AUTS2: variants seen among roughly 807,000 people sequenced by gnomAD.
AUTS2 encodes autism susceptibility gene 2 protein.
AUTS2 carries 17 observed loss-of-function variants against 112.4 expected under a neutral mutation model. The ratio of observed to expected loss-of-function variants is 0.15; its 90% CI spans 0.10 to 0.23. The LOEUF is 0.23. Among genes scored for constraint, AUTS2 ranks in the 10% least tolerant of loss-of-function variants. The pLI, the probability that AUTS2 is intolerant of heterozygous loss-of-function variation, is 1.00. For synonymous variants in AUTS2, 751 were observed against 702.7 expected (o/e 1.07, Z -1.09); for missense variants, 1,510 against 1,701.6 (o/e 0.89, Z 1.98).
intron 5 of AUTS2, among the ~76,000 whole-genome samples, chr7:70,672,152 T>C (rs1807677630): frequency 6.6e-6 from 1 of 152,196 alleles, no homozygotes. Context: ...AGTGCCACAC[T>C]CCACCAAATG....
intron 1 of AUTS2, among the ~76,000 whole-genome samples, chr7:69,880,071 A>G (rs1359749211): frequency 6.6e-6 from 1 of 152,232 alleles, no homozygotes; most frequent in Non-Finnish European, 1.5e-5. Context: ...TGCAGGCTGT[A>G]CAAGAAGCAT....
At chr7:70,548,511 T>A (rs1423048495) in intron 5 of AUTS2, among the ~76,000 whole-genome samples, 1 of 152,212 alleles carries the variant, frequency 6.6e-6, no homozygotes, top group Non-Finnish European at 1.5e-5. Context: ...TCACAGAGAC[T>A]TTCTTCTAAG....
chr7:69,903,276 T>C (rs1795037100), intron 2 of AUTS2, among the ~76,000 whole-genome samples: 1 of 152,164 alleles, frequency 6.6e-6, no homozygotes, highest in African/African-American at 2.4e-5. Flanking sequence ...ATAAGCCAAA[T>C]TATAACTTCC....
intron 4 of AUTS2, among the ~76,000 whole-genome samples, chr7:70,364,944 A>G (rs1367424637): frequency 6.6e-6 from 1 of 152,230 alleles, no homozygotes; most frequent in African/African-American, 2.4e-5. Flanking sequence ...ATCTCTCAGC[A>G]GTAATACTGC....
chr7:69,955,736 G>A (rs1236515268), intron 2 of AUTS2, among the ~76,000 whole-genome samples: 1 of 152,096 alleles, frequency 6.6e-6, no homozygotes, highest in African/African-American at 2.4e-5. Flanking sequence ...CATGTTCCGT[G>A]GCATGGGCAG....
intron 5 of AUTS2, among the ~76,000 whole-genome samples, chr7:70,661,032 G>A (rs1201457860): frequency 6.6e-6 from 1 of 151,956 alleles, no homozygotes; most frequent in Non-Finnish European, 1.5e-5. Context: ...TTATTCATTT[G>A]TTGACTTTTA....
At chr7:69,672,959 G>A (rs1186975982) in intron 1 of AUTS2, among the ~76,000 whole-genome samples, 3 of 152,178 alleles carry the variant, frequency 2.0e-5, no homozygotes, top group Admixed American at 2.0e-4. Context: ...TTTTGTACTA[G>A]CTTTTGGGTG....
chr7:69,975,093 G>A (rs1798001993), intron 2 of AUTS2, among the ~76,000 whole-genome samples: 1 of 151,934 alleles, frequency 6.6e-6, no homozygotes, highest in Non-Finnish European at 1.5e-5. Flanking sequence ...GCTTACTGAG[G>A]AATGTTTGCA....
At chr7:70,356,540 C>T (rs1174451736) in intron 4 of AUTS2, among the ~76,000 whole-genome samples, 1 of 152,120 alleles carries the variant, frequency 6.6e-6, no homozygotes, top group African/African-American at 2.4e-5. Context: ...GAATTCCTTG[C>T]CAGGTTTCTT....
At chr7:70,634,236 C>T (rs1303756722) in intron 5 of AUTS2, among the ~76,000 whole-genome samples, 1 of 152,144 alleles carries the variant, frequency 6.6e-6, no homozygotes, top group Non-Finnish European at 1.5e-5. Flanking sequence ...AATAGGAGGA[C>T]AGGAGGCATC....
At chr7:70,675,243 A>C (rs1422520551) in intron 5 of AUTS2, among the ~76,000 whole-genome samples, 1 of 152,192 alleles carries the variant, frequency 6.6e-6, no homozygotes, top group Non-Finnish European at 1.5e-5. Flanking sequence ...CTGTAATCCC[A>C]GCACCTTGGG....
At chr7:69,610,281 C>T (rs1792959612) in intron 1 of AUTS2, among the ~76,000 whole-genome samples, 1 of 152,208 alleles carries the variant, frequency 6.6e-6, no homozygotes, top group African/African-American at 2.4e-5. Context: ...AGTTGTTAAA[C>T]CAGGATGTTT....
At chr7:70,780,549 G>C (rs1262184667) in intron 14 of AUTS2, among the ~76,000 whole-genome samples, 1 of 151,912 alleles carries the variant, frequency 6.6e-6, no homozygotes, top group South Asian at 2.1e-4. Flanking sequence ...CTGATCTTTT[G>C]TATTTTAGTA....
intron 2 of AUTS2, among the ~76,000 whole-genome samples, chr7:69,966,543 T>C (rs928941862): frequency 2.0e-5 from 3 of 152,240 alleles, no homozygotes; most frequent in African/African-American, 2.4e-5. Context: ...ATCAGTAGAA[T>C]CTACTTTTGA....
chr7:70,318,586 A>G (rs1790109448), intron 4 of AUTS2, among the ~76,000 whole-genome samples: 1 of 152,182 alleles, frequency 6.6e-6, no homozygotes, highest in Admixed American at 6.5e-5. Flanking sequence ...ACATCCTACC[A>G]CCACCTTCTG....
chr7:70,179,446 G>A (rs1435856840), intron 4 of AUTS2, among the ~76,000 whole-genome samples: 10 of 152,176 alleles, frequency 6.6e-5, no homozygotes, highest in Admixed American at 3.9e-4. Context: ...TAGTTTTCCC[G>A]GGAACCTCCA....
At chr7:69,931,738 A>T (rs578133145) in intron 2 of AUTS2, among the ~76,000 whole-genome samples, 2 of 152,128 alleles carry the variant, frequency 1.3e-5, no homozygotes, top group Non-Finnish European at 1.5e-5. Flanking sequence ...ACTCTGACCT[A>T]TACTGTTTTA....
chr7:70,329,589 C>G (rs549738473), intron 4 of AUTS2, among the ~76,000 whole-genome samples: 1 of 149,516 alleles, frequency 6.7e-6, no homozygotes, highest in Non-Finnish European at 1.5e-5. Context: ...GAAATGTCTA[C>G]TCAGGTTTTT....
At position 70,766,115 on chromosome 7, in the gene AUTS2, G is replaced by T; in HGVS notation, c.1470G>T (p.Glu490Asp). 2 of 1,612,636 alleles carry T rather than the reference G, an allele frequency of 1.2e-6. No homozygotes were observed. The highest frequency in any genetic ancestry group is 1.7e-6 in the Non-Finnish European group (2 of 1,178,748). ...AGHPAGSTYS[E>D]QDILRQELNT... ...CGTCTCCCTCTTCTTCTCTTCCAGA[G>T]CAAGACATCTTGCGACAGGAACTGA... The change falls in exon 9 of 19, where the codon GAG becomes GAT. Residue 490 changes from glutamate (E) to aspartate (D), a missense_variant and splice_region_variant. Coordinates refer to ENST00000342771, the MANE Select transcript of AUTS2 (RefSeq NM_015570.4). This position sits in a 1 kb window ranked among gnomAD's most constrained non-coding sequence, Gnocchi z 4.8.
Sources: allele counts gnomAD v4.1 joint callset (sites outside exome capture counted in the v4.1 genomes callset), GRCh38; gene constraint gnomAD v4.1.1; non-coding constraint Gnocchi (gnomAD v3.1); transcripts MANE v1.5; gene names NCBI Gene and HGNC (gene_info 2026-07-23, HGNC 2026-07-21).